CD33: variants seen among roughly 807,000 people sequenced by gnomAD.
CD33 encodes myeloid cell surface antigen CD33.
In CD33, 25 loss-of-function variants were observed where a neutral mutation model predicts 31.4. That is an observed-to-expected ratio of 0.80 (90% CI 0.58 to 1.11). The LOEUF (loss-of-function observed/expected upper bound fraction) is 1.11, where lower values mean the gene tolerates loss of function less well. Ranked by LOEUF, CD33 falls within the 50% of genes most tolerant of loss-of-function variation. The pLI is 0.00. For missense variants in CD33, 407 were observed against 448.1 expected, an observed-to-expected ratio of 0.91 and a Z score of 0.83; for synonymous variants, 176 against 180.6, an observed-to-expected ratio of 0.97 and a Z score of 0.20.
chr19:51,216,706 T>G, the CD33 span, among the ~76,000 whole-genome samples: 2 of 149,928 alleles, frequency 1.3e-5, no homozygotes, highest in African/African-American at 4.9e-5. Context: ...AAGATGGACA[T>G]AAAAAAAGGA....
the CD33 span, among the ~76,000 whole-genome samples, chr19:51,212,323 T>C: frequency 4.5e-4 from 68 of 152,232 alleles, no homozygotes; most frequent in African/African-American, 1.6e-3. Flanking sequence ...CTAGGGAACC[T>C]AAAGATTGGT....
intron 4 of CD33, among the ~76,000 whole-genome samples, chr19:51,227,169 G>A (rs1206095024): frequency 1.3e-5 from 2 of 152,062 alleles, no homozygotes; most frequent in African/African-American, 4.8e-5. Context: ...GGATAATGCT[G>A]CAATAAACAT....
intron 4 of CD33, among the ~76,000 whole-genome samples, chr19:51,233,156 C>T (rs1248900908): frequency 2.6e-5 from 4 of 152,150 alleles, no homozygotes; most frequent in Non-Finnish European, 5.9e-5. Context: ...AGAGTCATGT[C>T]CACAGAAGGC....
the CD33 span, among the ~76,000 whole-genome samples, chr19:51,217,888 G>C: frequency 1.3e-5 from 2 of 152,128 alleles, no homozygotes; most frequent in African/African-American, 4.8e-5. Flanking sequence ...CTTTTTCATG[G>C]CTGGGTAGTA....
chr19:51,216,923 G>T, the CD33 span, among the ~76,000 whole-genome samples: 1 of 152,176 alleles, frequency 6.6e-6, no homozygotes, highest in Non-Finnish European at 1.5e-5. Flanking sequence ...AAGGAAAAGG[G>T]GGAAGAGCAA....
chr19:51,235,562 A>C (rs1427683888), intron 5 of CD33, 33 bp from the exon 6 acceptor site: 8 of 1,600,136 alleles, frequency 5.0e-6, no homozygotes, highest in African/African-American at 1.3e-5. Flanking sequence ...GCCTGAGAAA[A>C]CCAGGCTCAA....
At chr19:51,231,420 G>T (rs1261790508) in intron 4 of CD33, among the ~76,000 whole-genome samples, 1 of 152,244 alleles carries the variant, frequency 6.6e-6, no homozygotes, top group African/African-American at 2.4e-5. Context: ...CCAACAAGCT[G>T]AGTCTAGATT....
rs1980944639 is a variant in CD33 at position 51,225,591 on chromosome 19, T to C, written c.411T>C (p.His137=). Reference sequence around the variant, plus strand: ...ACAAATCTCCCCAGCTCTCTGTGCATGTGACAGGTGAGGCACAGGCTTCAG... The same window carrying C: ...ACAAATCTCCCCAGCTCTCTGTGCACGTGACAGGTGAGGCACAGGCTTCAG... The part of the protein sequence containing the change: ...YSYKSPQLSV[H]VTDLTHRPKI... The change falls in exon 2 of 7, where the codon CAT becomes CAC. Residue 137 remains histidine (H), a synonymous_variant. Transcript: ENST00000262262. 1.3e-6 allele frequency: 2 copies of C among 1,554,294 alleles called. No individual in the cohort carries two copies. Among genetic ancestry groups the C allele is most frequent in the Non-Finnish European group, 1.7e-6 (2 of 1,150,022 alleles).
chr19:51,215,282 G>T, the CD33 span, among the ~76,000 whole-genome samples: 2 of 152,164 alleles, frequency 1.3e-5, no homozygotes, highest in African/African-American at 2.4e-5. Flanking sequence ...TTGTAGTCAG[G>T]CCTGTGTCTG....
the CD33 span, among the ~76,000 whole-genome samples, chr19:51,213,947 C>T: frequency 1.3e-5 from 2 of 151,190 alleles, no homozygotes; most frequent in Non-Finnish European, 2.9e-5. Context: ...GCAACCTCCA[C>T]CTCCCAGATT....
At chr19:51,222,089 G>A (rs984536444), upstream of CD33, among the ~76,000 whole-genome samples, 4 of 152,094 alleles carry the variant, frequency 2.6e-5, no homozygotes, top group African/African-American at 7.2e-5. Flanking sequence ...GTGGTTGTGG[G>A]TATATAATTA....
chr19:51,232,660 T>G (rs2123268479), intron 4 of CD33, among the ~76,000 whole-genome samples: 1 of 152,356 alleles, frequency 6.6e-6, no homozygotes, highest in South Asian at 2.1e-4. Flanking sequence ...AAATTATTTT[T>G]TCTTCTTGAC....
the CD33 span, among the ~76,000 whole-genome samples, chr19:51,214,387 AG>A: frequency 0.022 from 3,350 of 151,206 alleles, 138 homozygotes; most frequent in African/African-American, 0.078. Context: ...TAGTAGAGAC[AG>A]GGTTTCACCA....
the CD33 span, among the ~76,000 whole-genome samples, chr19:51,215,439 A>G: frequency 9.2e-5 from 14 of 152,056 alleles, no homozygotes; most frequent in African/African-American, 2.7e-4. Flanking sequence ...CTGCACCCCA[A>G]TCTGGCCACA....
Position 51,235,255 on chromosome 19 carries a change from T to G in CD33, c.842+2T>G. 1.2e-6 allele frequency: 2 copies of G among 1,613,496 alleles called. No homozygotes were observed. Among genetic ancestry groups the G allele is most frequent in the Non-Finnish European group, 1.7e-6 (2 of 1,179,468 alleles). On this transcript the variant is annotated splice_donor_variant, in intron 5 of 6. Transcript: ENST00000262262. LOFTEE classifies it high-confidence loss of function. ...TTGTCTCTGCCTCATCTTCTTCATGTGAGCATTTTCTCTGGGTCAGGCATG... is the reference window on the plus strand; with the variant it reads ...TTGTCTCTGCCTCATCTTCTTCATGGGAGCATTTTCTCTGGGTCAGGCATG...
At chr19:51,221,153 C>A, upstream of CD33, among the ~76,000 whole-genome samples, 1 of 152,204 alleles carries the variant, frequency 6.6e-6, no homozygotes, top group South Asian at 2.1e-4. Context: ...AGGCCCTCAC[C>A]AGAAGCAAAT....
Position 51,239,698 on chromosome 19 carries a change from A to G in CD33, c.*10A>G, listed in dbSNP as rs1568438470. Reference sequence around the variant, plus strand: ...GGTCAGGACCCAGTGAGGAACCCACAAGAGCATCAGGCTCAGCTAGAAGAT... The same window carrying G: ...GGTCAGGACCCAGTGAGGAACCCACGAGAGCATCAGGCTCAGCTAGAAGAT... On this transcript the variant is annotated 3_prime_UTR_variant, in exon 7 of 7. Transcript: ENST00000262262. 6.2e-7 allele frequency: 1 copy of G among 1,602,860 alleles called. No homozygotes were observed. Among genetic ancestry groups the G allele is most frequent in the Non-Finnish European group, 8.5e-7 (1 of 1,175,102 alleles).
chr19:51,212,151 C>T, the CD33 span: 1 of 475,572 alleles, frequency 2.1e-6, no homozygotes, highest in South Asian at 1.9e-5. Context: ...AGGACTGGGG[C>T]CACTGGTGGC....
rs1377026868 is a variant in CD33 at position 51,229,140 on chromosome 19, AT to A, written c.745+2787del. On this transcript the variant is annotated intron_variant, in intron 4 of 6. Coordinates refer to ENST00000262262, the MANE Select transcript of CD33 (RefSeq NM_001772.4). ...AACACATGCTTTTTATTCTGCAACT[AT>A]TTAGGTGATCATACGGTTTATGTCC... 3.3e-5 allele frequency among the ~76,000 whole-genome samples: 5 copies of A among 152,282 alleles called. No individual in the cohort carries two copies. The East Asian group carries it at 7.7e-4, about 23-fold the overall frequency.
Sources: gnomAD v4.1 joint callset for allele counts (sites outside exome capture counted in the v4.1 genomes callset) on GRCh38, gnomAD v4.1.1 for gene constraint, MANE v1.5 for transcripts, NCBI Gene and HGNC (gene_info 2026-07-23, HGNC 2026-07-21) for gene names.